The following RIMS2 variants were observed in gnomAD, a reference collection of about 807,000 sequenced individuals.
RIMS2 encodes the protein regulating synaptic membrane exocytosis 2, also known as regulating synaptic membrane exocytosis protein 2.
RIMS2 carries 59 observed loss-of-function variants against 174.4 expected under a neutral mutation model. The ratio of observed to expected loss-of-function variants is 0.34; its 90% CI spans 0.27 to 0.42. The LOEUF is 0.42. RIMS2 is among the 10% of genes least tolerant of loss of function. The probability of loss-of-function intolerance (pLI) is 1.00; values close to 1 mark genes in which losing one functional copy is unlikely to be tolerated. For missense variants in RIMS2, 1,620 were observed against 1,666.3 expected, an observed-to-expected ratio of 0.97 and a Z score of 0.48; for synonymous variants, 606 against 572.5, an observed-to-expected ratio of 1.06 and a Z score of -0.84.
intron 3 of RIMS2, among the ~76,000 whole-genome samples, chr8:103,883,350 C>T (rs1221554928): frequency 6.6e-6 from 1 of 151,628 alleles, no homozygotes; most frequent in Non-Finnish European, 1.5e-5. Context: ...TCATGATAGA[C>T]TACTATCATG....
At chr8:103,804,748 C>T (rs1161966190) in intron 3 of RIMS2, among the ~76,000 whole-genome samples, 1 of 151,984 alleles carries the variant, frequency 6.6e-6, no homozygotes, top group Non-Finnish European at 1.5e-5. Flanking sequence ...GATTTAAAAC[C>T]CAAGAGGAGT....
chr8:103,697,176 G>A (rs780523576), exon 2 of RIMS2: 9 of 1,613,426 alleles, frequency 5.6e-6, no homozygotes, highest in South Asian at 3.3e-5. Context: ...AGGGTGATGC[G>A]CCAACCTGTG....
intron 2 of RIMS2, among the ~76,000 whole-genome samples, chr8:103,763,427 C>T (rs570250460): frequency 1.4e-5 from 2 of 142,378 alleles, no homozygotes; most frequent in East Asian, 4.0e-4. Context: ...CAAGGTAAGA[C>T]CCTGTTTCAA....
At chr8:104,057,063 C>CTTTTTTT (rs749665730) in intron 19 of RIMS2, among the ~76,000 whole-genome samples, 61 of 135,400 alleles carry the variant, frequency 4.5e-4, no homozygotes, top group Admixed American at 5.3e-4. Flanking sequence ...TTTTCTTTTT[C>CTTTTTTT]TTTTTTTTTT....
intron 17 of RIMS2, among the ~76,000 whole-genome samples, chr8:103,995,819 T>C (rs1352928556): frequency 1.3e-5 from 2 of 151,918 alleles, no homozygotes; most frequent in African/African-American, 4.8e-5. Context: ...GAGAAGGTTG[T>C]TTCAATAGAC....
exon 16 of RIMS2, chr8:103,975,506 G>T: frequency 6.2e-7 from 1 of 1,610,264 alleles, no homozygotes; most frequent in Non-Finnish European, 8.5e-7. Flanking sequence ...CCTCCACAAA[G>T]GTAAGATAGA....
intron 3 of RIMS2, among the ~76,000 whole-genome samples, chr8:103,809,134 A>G (rs1055966021): frequency 6.6e-6 from 1 of 152,080 alleles, no homozygotes; most frequent in Admixed American, 6.6e-5. Context: ...TTCTTTGATT[A>G]TGCCATAATC....
chr8:103,545,255 A>C, intron 1 of RIMS2, among the ~76,000 whole-genome samples: 1 of 152,204 alleles, frequency 6.6e-6, no homozygotes, highest in East Asian at 1.9e-4. Context: ...AGCAGAATCA[A>C]CCAAACAGAG....
intron 1 of RIMS2, among the ~76,000 whole-genome samples, chr8:103,635,865 G>A (rs1259598840): frequency 6.6e-6 from 1 of 152,090 alleles, no homozygotes; most frequent in Non-Finnish European, 1.5e-5. Context: ...TCCTCTAGGA[G>A]CACTGTACTA....
intron 19 of RIMS2, among the ~76,000 whole-genome samples, chr8:104,159,081 A>C (rs953335325): frequency 6.6e-6 from 1 of 152,132 alleles, no homozygotes; most frequent in Admixed American, 6.6e-5. Flanking sequence ...TATAAGGTGT[A>C]AGGGAGGGAT....
chr8:103,841,979 A>G (rs28593327), intron 3 of RIMS2, among the ~76,000 whole-genome samples: 3 of 148,522 alleles, frequency 2.0e-5, no homozygotes, highest in Admixed American at 6.7e-5. Context: ...AAAAAAAAAG[A>G]AAAAAAGAAA....
intron 3 of RIMS2, among the ~76,000 whole-genome samples, chr8:103,883,845 GC>G (rs528339152): frequency 3.4e-4 from 51 of 151,928 alleles, no homozygotes; most frequent in African/African-American, 1.2e-3. Flanking sequence ...CCACCCTGAT[GC>G]TGTAGGTGGT....
intron 3 of RIMS2, among the ~76,000 whole-genome samples, chr8:103,859,901 ACTTT>A (rs1190009264): frequency 3.3e-5 from 5 of 152,156 alleles, no homozygotes; most frequent in African/African-American, 9.6e-5. Context: ...GAAATGATAC[ACTTT>A]CTTTAGGAAC....
intron 2 of RIMS2, among the ~76,000 whole-genome samples, chr8:103,699,723 C>T (rs1055328534): frequency 1.7e-4 from 26 of 152,060 alleles, no homozygotes; most frequent in African/African-American, 6.0e-4. Flanking sequence ...GGGTCACATG[C>T]TATAAATGTT....
At chr8:103,744,421 T>A (rs1162034383) in intron 2 of RIMS2, among the ~76,000 whole-genome samples, 3 of 152,220 alleles carry the variant, frequency 2.0e-5, no homozygotes, top group African/African-American at 4.8e-5. Context: ...GCTTTGCTTA[T>A]CTTGTGTCAA....
chr8:103,738,367 A>G (rs2097714600), intron 2 of RIMS2, among the ~76,000 whole-genome samples: 1 of 152,208 alleles, frequency 6.6e-6, no homozygotes, highest in Non-Finnish European at 1.5e-5. Context: ...CTTACACCTT[A>G]TACGAAAATT....
chr8:103,590,457 T>C (rs1475669019), intron 1 of RIMS2, among the ~76,000 whole-genome samples: 1 of 151,344 alleles, frequency 6.6e-6, no homozygotes, highest in African/African-American at 2.4e-5. Flanking sequence ...GCTTTCTTCC[T>C]GTGAAACTCT....
At chr8:104,113,649 A>G (rs2098232442) in intron 19 of RIMS2, among the ~76,000 whole-genome samples, 1 of 151,928 alleles carries the variant, frequency 6.6e-6, no homozygotes, top group Non-Finnish European at 1.5e-5. Context: ...CCCACTGACT[A>G]TATATATAAA....
intron 12 of RIMS2, among the ~76,000 whole-genome samples, chr8:103,932,738 T>G (rs1280775887): frequency 6.6e-6 from 1 of 152,230 alleles, no homozygotes; most frequent in Non-Finnish European, 1.5e-5. Flanking sequence ...AACCCCTCTT[T>G]CTGTATTCTG....
Sources: allele counts gnomAD v4.1 joint callset (sites outside exome capture counted in the v4.1 genomes callset), GRCh38; gene constraint gnomAD v4.1.1; transcripts MANE v1.5; gene names NCBI Gene and HGNC (gene_info 2026-07-23, HGNC 2026-07-21).